Variants in NEK10 observed in about 807,000 individuals in gnomAD.
NEK10 encodes NIMA related kinase 10, also known as serine/threonine-protein kinase Nek10.
NEK10 carries 122 observed loss-of-function variants against 159.8 expected under a neutral mutation model. The observed-to-expected ratio is 0.76, with a 90% CI of 0.66 to 0.89. The LOEUF is 0.89. NEK10 is among the 40% of genes least tolerant of loss of function. The probability of loss-of-function intolerance (pLI) is 0.00; values close to 1 mark genes in which losing one functional copy is unlikely to be tolerated. For synonymous variants in NEK10, 466 were observed against 457.1 expected (o/e 1.02, Z -0.25); for missense variants, 1,342 against 1,323.1 (o/e 1.01, Z -0.22).
intron 16 of NEK10, among the ~76,000 whole-genome samples, chr3:27,293,367 T>C (rs904007087): frequency 1.3e-5 from 2 of 152,202 alleles, no homozygotes; most frequent in African/African-American, 4.8e-5. Flanking sequence ...GATATAGCAA[T>C]TTATGCTCTT....
intron 32 of NEK10, among the ~76,000 whole-genome samples, chr3:27,127,925 T>A (rs1016569253): frequency 6.6e-5 from 10 of 152,130 alleles, no homozygotes; most frequent in African/African-American, 2.4e-4. Context: ...AATTTATTTA[T>A]TGAAGAAAAC....
intron 23 of NEK10, among the ~76,000 whole-genome samples, chr3:27,214,420 C>T (rs184900224): frequency 1.4e-4 from 22 of 152,240 alleles, no homozygotes; most frequent in Middle Eastern, 3.4e-3. Flanking sequence ...TCCATATTTA[C>T]TCCCATTTTA....
intron 23 of NEK10, among the ~76,000 whole-genome samples, chr3:27,247,926 C>A (rs1433141918): frequency 6.8e-6 from 1 of 148,126 alleles, no homozygotes; most frequent in Non-Finnish European, 1.5e-5. Context: ...CCATTTTTTG[C>A]AATAGTTTGT....
At chr3:27,180,115 CCAGGCATGGTGGCT>C (rs932525888) in intron 26 of NEK10, among the ~76,000 whole-genome samples, 2 of 151,692 alleles carry the variant, frequency 1.3e-5, no homozygotes, top group African/African-American at 4.8e-5. Context: ...AAACAATGGG[CCAGGCATGGTGGCT>C]CATGCCTTTA....
At chr3:27,283,059 G>A (rs2042321987) in intron 22 of NEK10, among the ~76,000 whole-genome samples, 1 of 151,944 alleles carries the variant, frequency 6.6e-6, no homozygotes, top group African/African-American at 2.4e-5. Flanking sequence ...TTCTGTTGTA[G>A]GTTGTTTTTT....
rs111440414 is a variant in NEK10, at chr3:27,247,820, C to CTTT, written c.2090+8473_2090+8475dup. Among the ~76,000 whole-genome samples, 9 of 125,888 alleles carry CTTT rather than the reference C, an allele frequency of 7.1e-5. No homozygotes were observed. In the East Asian group the frequency reaches 1.1e-3, roughly 16 times the overall value. 82.6% of individuals were successfully genotyped at this position (125,888 alleles called of 152,430 possible). On this transcript the variant is annotated intron_variant, in intron 23 of 35. Coordinates refer to ENST00000691995, the MANE Select transcript of NEK10 (RefSeq NM_001394966.1). The stretch of plus-strand genomic sequence containing the variant: ...TTTTAATTTTCTTTTCTTTTCTTTT[C>CTTT]TTTTTTTTTTTTTTTTCTGGAGGCG...
intron 23 of NEK10, among the ~76,000 whole-genome samples, chr3:27,246,203 G>T (rs1233146266): frequency 6.6e-6 from 1 of 152,118 alleles, no homozygotes; most frequent in Non-Finnish European, 1.5e-5. Context: ...ATGGCATTAT[G>T]TACCTACATT....
chr3:27,354,121 C>T (rs1166633163), intron 1 of NEK10, among the ~76,000 whole-genome samples: 1 of 152,162 alleles, frequency 6.6e-6, no homozygotes, highest in Non-Finnish European at 1.5e-5. Flanking sequence ...CCACACTGTC[C>T]TGCTGTTGGC....
intron 23 of NEK10, among the ~76,000 whole-genome samples, chr3:27,246,191 C>G (rs900125082): frequency 2.6e-5 from 4 of 152,094 alleles, no homozygotes; most frequent in African/African-American, 7.2e-5. Flanking sequence ...GCATAATGTA[C>G]AATGGCATTA....
chr3:27,245,871 C>G (rs906054475), intron 23 of NEK10, among the ~76,000 whole-genome samples: 6 of 152,236 alleles, frequency 3.9e-5, no homozygotes, highest in Middle Eastern at 3.4e-3. Context: ...TATGTATTTC[C>G]TCTTGAATCT....
intron 31 of NEK10, among the ~76,000 whole-genome samples, chr3:27,138,853 C>T (rs1328653350): frequency 6.6e-6 from 1 of 152,196 alleles, no homozygotes; most frequent in Non-Finnish European, 1.5e-5. Context: ...AAGCAGGTGC[C>T]TTGGAAGCCC....
chr3:27,295,802 A>C (rs2043314395), intron 14 of NEK10, 112 bp from the exon 15 acceptor site: 1 of 1,337,836 alleles, frequency 7.5e-7, no homozygotes, highest in Non-Finnish European at 9.7e-7. Context: ...ATATTAGTAT[A>C]ACTATGGACC....
In NEK10 at chr3:27,141,539, G is replaced by C; in HGVS notation, c.2913C>G (p.Ile971Met). ...TTAATATCTGCTGAATAGGATCACT[G>C]ATCTGACGCACTTTCCTCTGGGACA... is the stretch of plus-strand genomic sequence containing the variant. ...IAVSQRKVRQ[I>M]SDPIQQILIQ... Residue 971 changes from isoleucine (I) to methionine (M), a missense_variant, in exon 31 of 36, where the codon ATC (isoleucine) becomes ATG (methionine). Physicochemically the swap from Ile to Met is conservative, Grantham distance 10. Transcript: ENST00000691995. The C allele has an allele frequency of 6.2e-7, 1 of 1,613,466 alleles. No individual in the cohort carries two copies. The highest frequency in any genetic ancestry group is 1.3e-5 in the African/African-American group (1 of 75,020).
chr3:27,291,809 AT>A (rs569186166), intron 16 of NEK10, among the ~76,000 whole-genome samples: 1 of 151,772 alleles, frequency 6.6e-6, no homozygotes, highest in Non-Finnish European at 1.5e-5. Context: ...TGCCCGGCTA[AT>A]TTTTTGTATT....
intron 22 of NEK10, among the ~76,000 whole-genome samples, chr3:27,269,330 A>T (rs1434980217): frequency 2.0e-5 from 3 of 152,226 alleles, no homozygotes; most frequent in Non-Finnish European, 2.9e-5. Context: ...CATGCTACAG[A>T]CATTTATTTT....
At chr3:27,317,438 A>G (rs2045286389) in intron 6 of NEK10, among the ~76,000 whole-genome samples, 1 of 152,334 alleles carries the variant, frequency 6.6e-6, no homozygotes, top group African/African-American at 2.4e-5. Context: ...TATATTTCTG[A>G]GTCTAATGAC....
chr3:27,321,329 T>A (rs553906548), intron 6 of NEK10, among the ~76,000 whole-genome samples: 1 of 152,168 alleles, frequency 6.6e-6, no homozygotes, highest in African/African-American at 2.4e-5. Context: ...AGATTCTGCA[T>A]GTACAAGATG....
At chr3:27,241,564 C>A (rs921543538) in intron 23 of NEK10, among the ~76,000 whole-genome samples, 1 of 152,196 alleles carries the variant, frequency 6.6e-6, no homozygotes, top group Admixed American at 6.5e-5. Flanking sequence ...CCAAGTACCT[C>A]AACAGATTTG....
In NEK10 at chr3:27,257,881, C is replaced by T. The variant is rs563946231; in HGVS notation, c.2015-1510G>A. On this transcript the variant is annotated intron_variant, in intron 22 of 35. Transcript: ENST00000691995. ...TCGGCTTACTGCAAGCTCTGCCTGC[C>T]GGGTTCACGCCATTCTCCTGCCTCA... Among the ~76,000 whole-genome samples the T allele has an allele frequency of 3.0e-4, 45 of 151,524 alleles. 1 individual carries two copies. In the Middle Eastern group the frequency reaches 0.01, roughly 35 times the overall value.
Sources: allele counts gnomAD v4.1 joint callset (sites outside exome capture counted in the v4.1 genomes callset), GRCh38; gene constraint gnomAD v4.1.1; transcripts MANE v1.5; gene names NCBI Gene and HGNC (gene_info 2026-07-23, HGNC 2026-07-21).